The following BCAS3 variants were observed in gnomAD, a reference collection of about 807,000 sequenced individuals.
BCAS3 encodes the protein BCAS4/BCAS3 fusion.
BCAS3 carries 53 observed loss-of-function variants against 116.1 expected under a neutral mutation model. That is an observed-to-expected ratio of 0.46 (90% CI 0.37 to 0.57). The LOEUF (loss-of-function observed/expected upper bound fraction) is 0.57, where lower values mean the gene tolerates loss of function less well. Among genes scored for constraint, BCAS3 ranks in the 20% least tolerant of loss-of-function variants. The pLI, the probability that BCAS3 is intolerant of heterozygous loss-of-function variation, is 0.00. For synonymous variants in BCAS3, 391 were observed against 408.2 expected, an observed-to-expected ratio of 0.96 and a Z score of 0.51; for missense variants, 917 against 1,165.4, an observed-to-expected ratio of 0.79 and a Z score of 3.10.
At chr17:61,254,363 A>G (rs943703680) in intron 22 of BCAS3, among the ~76,000 whole-genome samples, 5 of 152,212 alleles carry the variant, frequency 3.3e-5, no homozygotes, top group African/African-American at 1.2e-4. Context: ...CTGATTTAGA[A>G]GGTAAAATTA....
At chr17:60,973,067 C>A (rs1292543482) in intron 14 of BCAS3, among the ~76,000 whole-genome samples, 17 of 152,102 alleles carry the variant, frequency 1.1e-4, no homozygotes, top group Admixed American at 8.5e-4. Context: ...AAGAAAACCA[C>A]ATTTAACAAT....
Position 61,144,271 on chromosome 17 carries a change from C to G in BCAS3, c.2425+59707C>G, listed in dbSNP as rs2143957146. On this transcript the variant is annotated intron_variant, in intron 22 of 23. Transcript: ENST00000407086. This position sits in a 1 kb window ranked among gnomAD's most constrained non-coding sequence, Gnocchi z 5.0. ...TTCATTTCTTTCTCTGAAGACACAACTATCAGCAAATCCATATAAGGCAAG... is the reference window on the plus strand; with the variant it reads ...TTCATTTCTTTCTCTGAAGACACAAGTATCAGCAAATCCATATAAGGCAAG... 6.6e-6 allele frequency among the ~76,000 whole-genome samples: 1 copy of G among 152,216 alleles called. No individual in the cohort carries two copies. The highest frequency in any genetic ancestry group is 2.4e-5 in the African/African-American group (1 of 41,532).
In BCAS3 at chr17:61,004,045, G is replaced by C. The variant is rs2064472607; in HGVS notation, c.1487-11706G>C. ...TTTCTGGCAATAAACTTAGAAGTTA[G>C]TTTTCAAGGAGTTGAAGGAGTTAAC... On this transcript the variant is annotated intron_variant, in intron 15 of 23. Coordinates refer to ENST00000407086, the MANE Select transcript of BCAS3 (RefSeq NM_017679.5). The surrounding 1 kb of genome is among the most constrained non-coding windows in gnomAD (Gnocchi z 4.8). Among the ~76,000 whole-genome samples the C allele has an allele frequency of 6.6e-6, 1 of 152,142 alleles. No homozygotes were observed. The highest frequency in any genetic ancestry group is 1.5e-5 in the Non-Finnish European group (1 of 68,018).
rs375109831 is a variant in BCAS3 at position 60,705,803 on chromosome 17, C to G, written c.215-3416C>G. Among the ~76,000 whole-genome samples, 11 of 152,258 alleles carry G rather than the reference C, an allele frequency of 7.2e-5. No homozygotes were observed. The South Asian group carries it at 8.3e-4, about 11-fold the overall frequency. On this transcript the variant is annotated intron_variant, in intron 4 of 23. Coordinates refer to ENST00000407086, the MANE Select transcript of BCAS3 (RefSeq NM_017679.5). ...CTTTTGGCTTCTTTTAGACATAGATCTTTCTATAATACTGGCACTGAAATG... is the reference window on the plus strand; with the variant it reads ...CTTTTGGCTTCTTTTAGACATAGATGTTTCTATAATACTGGCACTGAAATG...
chr17:61,015,962 T>C, intron 16 of BCAS3, 61 bp downstream of exon 16: 1 of 1,482,576 alleles, frequency 6.7e-7, no homozygotes, highest in Admixed American at 2.0e-5. Context: ...TGAATAAAAA[T>C]AAAACATACT....
In BCAS3 at chr17:61,315,131, C is replaced by T. The variant is rs114684028; in HGVS notation, c.2426-53196C>T. Among the ~76,000 whole-genome samples, 2,439 of 151,950 alleles carry T rather than the reference C, an allele frequency of 0.016. 63 individuals are homozygous for T. The highest frequency in any genetic ancestry group is 0.056 in the African/African-American group (2,307 of 41,440). On this transcript the variant is annotated intron_variant, in intron 22 of 23. Transcript: ENST00000407086. The surrounding 1 kb of genome is among the most constrained non-coding windows in gnomAD (Gnocchi z 5.3). ...CACTCCCTTTTCTTTTTCTTTTTTT[C>T]GCGAGACAGATTCTCGCTCTGTCAC...
chr17:60,698,755 A>C (rs772626056), intron 4 of BCAS3, among the ~76,000 whole-genome samples: 1 of 152,026 alleles, frequency 6.6e-6, no homozygotes, highest in Non-Finnish European at 1.5e-5. Context: ...ACCTCTCTGC[A>C]TATAAAAAAG....
chr17:61,373,804 C>CTTTTTTTTTTTTTTTT (rs201141656), intron 23 of BCAS3, among the ~76,000 whole-genome samples: 1 of 76,084 alleles, frequency 1.3e-5, no homozygotes, highest in Non-Finnish European at 2.7e-5. Flanking sequence ...TCTTCTTCTT[C>CTTTTTTTTTTTTTTTT]TTTGTTTTTT....
At chr17:60,783,695 A>G (rs1307903719) in intron 6 of BCAS3, among the ~76,000 whole-genome samples, 1 of 152,206 alleles carries the variant, frequency 6.6e-6, no homozygotes, top group African/African-American at 2.4e-5. Flanking sequence ...AGTATTCCTC[A>G]TAATAGCTAC....
chr17:60,874,627 TTTTC>T, intron 8 of BCAS3, 31 bp from the exon 9 acceptor site: 1 of 1,485,184 alleles, frequency 6.7e-7, no homozygotes, highest in Non-Finnish European at 9.4e-7. Flanking sequence ...CATTCACTTT[TTTTC>T]TTTCTGTTTT....
At chr17:61,232,097 C>T (rs918371435) in intron 22 of BCAS3, among the ~76,000 whole-genome samples, 4 of 145,068 alleles carry the variant, frequency 2.8e-5, no homozygotes, top group African/African-American at 5.0e-5. Context: ...CCCAGCTACT[C>T]GGGAGACTGA....
In BCAS3 at chr17:61,013,183, G is replaced by A. The variant is rs1167440271; in HGVS notation, c.1487-2568G>A. Among the ~76,000 whole-genome samples the A allele has an allele frequency of 6.6e-6, 1 of 151,846 alleles. No homozygotes were observed. The highest frequency in any genetic ancestry group is 1.5e-5 in the Non-Finnish European group (1 of 67,924). ...TTGTTCCCACGTCTGCTTATCTTTG[G>A]TTCTTGGCAATTAGCACTTAATGAT... On this transcript the variant is annotated intron_variant, in intron 15 of 23. Coordinates refer to ENST00000407086, the MANE Select transcript of BCAS3 (RefSeq NM_017679.5). This position sits in a 1 kb window ranked among gnomAD's most constrained non-coding sequence, Gnocchi z 4.4.
chr17:61,371,721 TA>T (rs1256270188), intron 23 of BCAS3, among the ~76,000 whole-genome samples: 1 of 152,040 alleles, frequency 6.6e-6, no homozygotes, highest in Non-Finnish European at 1.5e-5. Flanking sequence ...AAAAAATATA[TA>T]TTTTTTTAAA....
At chr17:61,052,736 G>A (rs950028470) in intron 19 of BCAS3, among the ~76,000 whole-genome samples, 1 of 34,864 alleles carries the variant, frequency 2.9e-5, no homozygotes, top group Non-Finnish European at 6.7e-5. Flanking sequence ...TTTTTTTTTT[G>A]AGACGGGGTT....
At chr17:61,148,595 T>C (rs1422002542) in intron 22 of BCAS3, among the ~76,000 whole-genome samples, 1 of 152,232 alleles carries the variant, frequency 6.6e-6, no homozygotes, top group African/African-American at 2.4e-5. Flanking sequence ...TCCTGATTTT[T>C]TAAACACTAC....
chr17:60,851,449 G>A (rs1179069257), intron 7 of BCAS3: 2 of 483,716 alleles, frequency 4.1e-6, no homozygotes, highest in East Asian at 1.2e-4. Context: ...AGATCGCCGC[G>A]GTTGTCAGCT....
intron 6 of BCAS3, among the ~76,000 whole-genome samples, chr17:60,798,565 A>G (rs963614727): frequency 1.3e-5 from 2 of 152,268 alleles, no homozygotes; most frequent in Middle Eastern, 6.8e-3. Flanking sequence ...GATATATTAC[A>G]GTTTATTTAT....
intron 19 of BCAS3, among the ~76,000 whole-genome samples, chr17:61,066,732 T>G (rs1055196980): frequency 2.0e-5 from 3 of 152,170 alleles, no homozygotes; most frequent in Non-Finnish European, 1.5e-5. Context: ...TAGAAAGAAT[T>G]TGATTCCATA....
chr17:61,087,288 C>G lies in BCAS3; in HGVS notation c.2425+2724C>G, dbSNP rs777116020. On this transcript the variant is annotated intron_variant, in intron 22 of 23. Transcript: ENST00000407086. This position sits in a 1 kb window ranked among gnomAD's most constrained non-coding sequence, Gnocchi z 4.6. ...GGTCTTCATTGCCCTGTATTACCTTCAAGCATTTTATATGACTTCATGGAT... is the reference window on the plus strand; with the variant it reads ...GGTCTTCATTGCCCTGTATTACCTTGAAGCATTTTATATGACTTCATGGAT... The G allele has an allele frequency of 3.6e-6, 3 of 823,040 alleles. No homozygotes were observed. The highest frequency in any genetic ancestry group is 1.9e-5 in the African/African-American group (1 of 53,832). 51.0% of individuals were successfully genotyped at this position (823,040 alleles called of 1,614,324 possible). A position where few individuals can be genotyped will look rare whatever the true frequency, so the allele number is the denominator to read the frequency against.
Sources: gnomAD v4.1 joint callset for allele counts (sites outside exome capture counted in the v4.1 genomes callset) on GRCh38, gnomAD v4.1.1 for gene constraint, Gnocchi (gnomAD v3.1) non-coding constraint, MANE v1.5 for transcripts, NCBI Gene and HGNC (gene_info 2026-07-23, HGNC 2026-07-21) for gene names.